OSBPL9: variants seen among roughly 807,000 people sequenced by gnomAD.
OSBPL9 encodes oxysterol binding protein like 9.
Under a neutral mutation model 106.6 loss-of-function variants are expected in OSBPL9, and 40 were observed. The observed-to-expected ratio is 0.38, with a 90% CI of 0.29 to 0.49. OSBPL9 has a LOEUF of 0.49. Among genes scored for constraint, OSBPL9 ranks in the 20% least tolerant of loss-of-function variants. The pLI is 0.97. For missense variants in OSBPL9, 609 were observed against 887.2 expected, an observed-to-expected ratio of 0.69 and a Z score of 3.98; for synonymous variants, 269 against 295.4, an observed-to-expected ratio of 0.91 and a Z score of 0.92.
intron 19 of OSBPL9, 56 bp downstream of exon 19, chr1:51,784,383 G>GC: frequency 6.2e-7 from 1 of 1,611,138 alleles, no homozygotes; most frequent in Non-Finnish European, 8.5e-7. Context: ...CTTGAGACAT[G>GC]CCCCTTCCCC....
chr1:51,624,916 A>G (rs1374054110), intron 1 of OSBPL9, among the ~76,000 whole-genome samples: 3 of 152,248 alleles, frequency 2.0e-5, no homozygotes, highest in East Asian at 3.8e-4. Flanking sequence ...AAGCCTGACA[A>G]TGAGGCATAT....
chr1:51,735,248 G>C (rs907112702), intron 4 of OSBPL9, among the ~76,000 whole-genome samples: 7 of 152,186 alleles, frequency 4.6e-5, no homozygotes, highest in African/African-American at 1.7e-4. Flanking sequence ...TCCACTGGCC[G>C]GTGGGAACCT....
rs960385936 is a variant in OSBPL9, at chr1:51,608,687, G to C, written c.-352-5618G>C. 1.3e-3 allele frequency among the ~76,000 whole-genome samples: 200 copies of C among 151,442 alleles called. 5 individuals carry two copies. The highest frequency in any genetic ancestry group is 3.9e-4 in the East Asian group (2 of 5,160). On this transcript the variant is annotated intron_variant, in intron 2 of 25. Coordinates refer to the OSBPL9 transcript ENST00000371714. ...CTGACATTCCTGGATTGGGGGGGGGGGCTTTCCTGCCCTGCTCTTGTCCGC... is the reference window on the plus strand; with the variant it reads ...CTGACATTCCTGGATTGGGGGGGGGCGCTTTCCTGCCCTGCTCTTGTCCGC...
chr1:51,691,319 GCC>G (rs1654911193), intron 3 of OSBPL9, among the ~76,000 whole-genome samples: 2 of 119,406 alleles, frequency 1.7e-5, no homozygotes, highest in African/African-American at 6.7e-5. Context: ...TCACTCTGTC[GCC>G]CAGGCTGGAG....
At chr1:51,744,015 G>A (rs1187823461) in intron 4 of OSBPL9, among the ~76,000 whole-genome samples, 1 of 151,740 alleles carries the variant, frequency 6.6e-6, no homozygotes, top group Non-Finnish European at 1.5e-5. Flanking sequence ...ATCTCATTGG[G>A]AAGGGGCTTT....
chr1:51,547,418 C>G, the OSBPL9 span, among the ~76,000 whole-genome samples: 2 of 152,068 alleles, frequency 1.3e-5, no homozygotes, highest in Middle Eastern at 3.4e-3. Flanking sequence ...ATGTTATTTG[C>G]AGAAATTAAA....
chr1:51,601,896 C>T (rs1557581302), intron 2 of OSBPL9, among the ~76,000 whole-genome samples: 1 of 151,996 alleles, frequency 6.6e-6, no homozygotes, highest in Non-Finnish European at 1.5e-5. Context: ...CAAGAACTTG[C>T]TGTCTAAATG....
At chr1:51,596,115 G>A (rs760173058) in intron 1 of OSBPL9, among the ~76,000 whole-genome samples, 4 of 151,720 alleles carry the variant, frequency 2.6e-5, no homozygotes, top group East Asian at 1.9e-4. Flanking sequence ...AAAATTAGCC[G>A]GGCATGGTGG....
At chr1:51,743,414 T>A (rs12569202) in intron 4 of OSBPL9, among the ~76,000 whole-genome samples, 18,754 of 152,178 alleles carry the variant, frequency 0.12, 1,275 homozygotes, top group Middle Eastern at 0.22. Context: ...TTAGGTAAGG[T>A]TTAGATAGCA....
rs540774129 is a variant in OSBPL9 at position 51,607,860 on chromosome 1, G to A, written c.-352-6445G>A. ...TATTAAAAAATTTTAGAGGAGGAACGAAAGGAAGTACACTTGGAAGAGGGC... is the reference window on the plus strand; with the variant it reads ...TATTAAAAAATTTTAGAGGAGGAACAAAAGGAAGTACACTTGGAAGAGGGC... On this transcript the variant is annotated intron_variant, in intron 2 of 25. Transcript: ENST00000371714. 3.3e-5 allele frequency among the ~76,000 whole-genome samples: 5 copies of A among 152,338 alleles called. No homozygotes were observed. In the East Asian group the frequency reaches 5.8e-4, roughly 18 times the overall value.
the OSBPL9 span, among the ~76,000 whole-genome samples, chr1:51,528,312 T>C: frequency 5.9e-5 from 9 of 151,984 alleles, no homozygotes; most frequent in African/African-American, 1.9e-4. Flanking sequence ...AATAAATGAG[T>C]TCAGCAAAGT....
chr1:51,659,639 T>G (rs527970810), intron 2 of OSBPL9, among the ~76,000 whole-genome samples: 195 of 151,758 alleles, frequency 1.3e-3, no homozygotes, highest in Admixed American at 3.2e-3. Flanking sequence ...CTGGTTAGAT[T>G]GGGAGGAAAA....
At chr1:51,728,265 T>C (rs1025361842) in intron 4 of OSBPL9, among the ~76,000 whole-genome samples, 1 of 152,116 alleles carries the variant, frequency 6.6e-6, no homozygotes. Context: ...GGTAATAAAA[T>C]TGGTTATAGA....
At chr1:51,566,524 G>A in the OSBPL9 span, 1 of 152,126 alleles carries the variant, frequency 6.6e-6, no homozygotes, top group Admixed American at 6.6e-5. Context: ...GAGTGTACAG[G>A]TGAGGGTCTT....
chr1:51,777,710 TTTAAA>T (rs1374469876), intron 15 of OSBPL9, among the ~76,000 whole-genome samples: 5 of 152,204 alleles, frequency 3.3e-5, no homozygotes, highest in African/African-American at 1.2e-4. Context: ...TATGGCAGTG[TTTAAA>T]TTAACAGATA....
At chr1:51,519,202 T>C in the OSBPL9 span, 1 of 1,417,778 alleles carries the variant, frequency 7.1e-7, no homozygotes. Flanking sequence ...GCGTTACCTG[T>C]GTCAGAGAGA....
intron 3 of OSBPL9, among the ~76,000 whole-genome samples, chr1:51,683,548 C>CT (rs1557684903): frequency 6.6e-6 from 1 of 151,110 alleles, no homozygotes; most frequent in African/African-American, 2.4e-5. Context: ...ATTCCAGTAC[C>CT]TTGGGAAGCT....
At chr1:51,524,259 G>A in the OSBPL9 span, among the ~76,000 whole-genome samples, 2 of 152,146 alleles carry the variant, frequency 1.3e-5, no homozygotes, top group African/African-American at 4.8e-5. Context: ...ACACACGCAG[G>A]GTGTGATAGA....
the OSBPL9 span, among the ~76,000 whole-genome samples, chr1:51,564,707 G>A: frequency 0.031 from 4,736 of 152,262 alleles, 91 homozygotes; most frequent in Non-Finnish European, 0.044. Context: ...TGTTCTAGCC[G>A]TTTTATGATT....
Sources: allele counts gnomAD v4.1 joint callset (sites outside exome capture counted in the v4.1 genomes callset), GRCh38; gene constraint gnomAD v4.1.1; transcripts MANE v1.5; gene names NCBI Gene and HGNC (gene_info 2026-07-23, HGNC 2026-07-21).